Variants in PIAS1 observed in about 807,000 individuals in gnomAD.
PIAS1 encodes E3 SUMO-protein ligase PIAS1.
Under a neutral mutation model 71.3 loss-of-function variants are expected in PIAS1, and 6 were observed. The observed-to-expected ratio is 0.08, with a 90% CI of 0.05 to 0.17. The LOEUF is 0.17. Ranked by LOEUF, PIAS1 falls within the 10% of genes least tolerant of loss-of-function variation. The pLI is 1.00. For synonymous variants in PIAS1, 303 were observed against 292.9 expected, an observed-to-expected ratio of 1.03 and a Z score of -0.35; for missense variants, 555 against 793.6, an observed-to-expected ratio of 0.70 and a Z score of 3.61.
At position 68,175,216 on chromosome 15, in the gene PIAS1, A is replaced by T. The variant is rs185575072; in HGVS notation, c.1170-421A>T. ...AAATGTCTGTCACGGTATTTTATCA[A>T]AGAGATTTAACCTTTGATTACATAT... On this transcript the variant is annotated intron_variant, in intron 9 of 13. Coordinates refer to ENST00000249636, the MANE Select transcript of PIAS1 (RefSeq NM_016166.3). 2.6e-3 allele frequency among the ~76,000 whole-genome samples: 395 copies of T among 152,308 alleles called. 2 individuals are homozygous for T. Among genetic ancestry groups the T allele is most frequent in the Non-Finnish European group, 2.7e-3 (181 of 68,016 alleles).
intron 2 of PIAS1, among the ~76,000 whole-genome samples, chr15:68,116,702 T>A (rs564357171): frequency 6.6e-6 from 1 of 152,246 alleles, no homozygotes; most frequent in East Asian, 1.9e-4. Context: ...TTTTCTAATA[T>A]AGGCATTTTA....
In PIAS1 at chr15:68,097,338, CACCA is replaced by C. The variant is rs1398154696; in HGVS notation, c.469+10589_469+10592del. ...TCCTTAAGAAAAGCATCTTGTCTTTCACCATTAAGTATAATGTTAGCTGTGGATT... is the reference window on the plus strand; with the variant it reads ...TCCTTAAGAAAAGCATCTTGTCTTTCTTAAGTATAATGTTAGCTGTGGATT... On this transcript the variant is annotated intron_variant, in intron 2 of 13. Coordinates refer to ENST00000249636, the MANE Select transcript of PIAS1 (RefSeq NM_016166.3). Among the ~76,000 whole-genome samples the C allele has an allele frequency of 1.1e-4, 17 of 152,246 alleles. No homozygotes were observed. In the East Asian group the frequency reaches 3.1e-3, roughly 28 times the overall value.
chr15:68,147,962 A>G (rs1341660240), intron 6 of PIAS1, among the ~76,000 whole-genome samples: 2 of 152,130 alleles, frequency 1.3e-5, no homozygotes, highest in Non-Finnish European at 2.9e-5. Flanking sequence ...TTCATTTGAA[A>G]TTTATTGAAT....
chr15:68,088,176 G>GTGTA lies in PIAS1; in HGVS notation c.469+1427_469+1428insGTAT, dbSNP rs150997979. Among the ~76,000 whole-genome samples, 119 of 72,992 alleles carry GTGTA rather than the reference G, an allele frequency of 1.6e-3. 2 individuals carry two copies. The highest frequency in any genetic ancestry group is 5.8e-3 in the Admixed American group (39 of 6,782). The allele number at this position is 72,992 out of a possible 152,430, so 47.9% of individuals were successfully genotyped here. A position where few individuals can be genotyped will look rare whatever the true frequency, so the allele number is the denominator to read the frequency against. ...TTCTTGTCTGTCTGATTATGTGTGT[G>GTGTA]TATATATATATATATATATATATAT... is the stretch of plus-strand genomic sequence containing the variant. On this transcript the variant is annotated intron_variant, in intron 2 of 13. Coordinates refer to ENST00000249636, the MANE Select transcript of PIAS1 (RefSeq NM_016166.3).
intron 1 of PIAS1, among the ~76,000 whole-genome samples, chr15:68,067,312 G>T (rs541257256): frequency 1.6e-4 from 25 of 152,172 alleles, no homozygotes; most frequent in Admixed American, 1.5e-3. Flanking sequence ...AGATATGCTT[G>T]CCTTTCTTTA....
intron 2 of PIAS1, among the ~76,000 whole-genome samples, chr15:68,090,763 A>T (rs964107836): frequency 6.6e-6 from 1 of 152,114 alleles, no homozygotes; most frequent in African/African-American, 2.4e-5. Flanking sequence ...CTCTGAGGTT[A>T]ATTGATGTCT....
At chr15:68,141,022 T>TA (rs778011745) in intron 2 of PIAS1, among the ~76,000 whole-genome samples, 2,497 of 150,240 alleles carry the variant, frequency 0.017, 30 homozygotes, top group Middle Eastern at 0.031. Context: ...ACCACTGTTT[T>TA]AAAAAAAAAA....
At chr15:68,073,852 G>A (rs751541959) in intron 1 of PIAS1, among the ~76,000 whole-genome samples, 9 of 152,160 alleles carry the variant, frequency 5.9e-5, no homozygotes, top group Non-Finnish European at 1.0e-4. Flanking sequence ...AGAATGACTT[G>A]GAGAGGATAA....
At chr15:68,066,365 TC>T (rs1462518968) in intron 1 of PIAS1, among the ~76,000 whole-genome samples, 1 of 152,126 alleles carries the variant, frequency 6.6e-6, no homozygotes, top group Non-Finnish European at 1.5e-5. Context: ...TGCCTCAGCC[TC>T]CCAAAGTGCT....
intron 2 of PIAS1, among the ~76,000 whole-genome samples, chr15:68,128,568 C>A (rs2029423): frequency 9.9e-5 from 15 of 151,858 alleles, no homozygotes; most frequent in African/African-American, 3.4e-4. Context: ...TTTGAGAATT[C>A]TGATCTAAAA....
intron 2 of PIAS1, among the ~76,000 whole-genome samples, chr15:68,127,146 G>C: frequency 6.6e-6 from 1 of 151,168 alleles, no homozygotes; most frequent in African/African-American, 2.4e-5. Context: ...GGCTGGTCTT[G>C]AACTCTTGAC....
intron 7 of PIAS1, among the ~76,000 whole-genome samples, chr15:68,159,799 C>A (rs2092912670): frequency 6.6e-6 from 1 of 152,010 alleles, no homozygotes; most frequent in Non-Finnish European, 1.5e-5. Flanking sequence ...CATATGGATA[C>A]CTCAGTTTTG....
chr15:68,107,846 C>G (rs1481439228), intron 2 of PIAS1, among the ~76,000 whole-genome samples: 1 of 151,540 alleles, frequency 6.6e-6, no homozygotes, highest in Admixed American at 6.6e-5. Context: ...TATATACCAC[C>G]AGTAAATACG....
At chr15:68,079,221 G>A (rs927581343) in intron 1 of PIAS1, among the ~76,000 whole-genome samples, 5 of 152,082 alleles carry the variant, frequency 3.3e-5, no homozygotes, top group Admixed American at 6.5e-5. Context: ...GAATTAATAC[G>A]ATGATTACGC....
At chr15:68,179,283 G>A in intron 11 of PIAS1, among the ~76,000 whole-genome samples, 1 of 152,156 alleles carries the variant, frequency 6.6e-6, no homozygotes, top group Non-Finnish European at 1.5e-5. Flanking sequence ...AGTGCTTAAT[G>A]TTCATCCAGA....
In PIAS1 at chr15:68,154,792, C is replaced by T. The variant is rs76669113; in HGVS notation, c.934+1097C>T. Among the ~76,000 whole-genome samples the T allele has an allele frequency of 6.1e-3, 926 of 152,286 alleles. 4 individuals are homozygous for T. Among genetic ancestry groups the T allele is most frequent in the East Asian group, 0.032 (166 of 5,180 alleles). On this transcript the variant is annotated intron_variant, in intron 7 of 13. Transcript: ENST00000249636. Reference sequence around the variant, plus strand: ...AGATGATGGAGACCTAGAAGGGCAGCACTGATTTGGGATCTGCGGGAGTGG... The same window carrying T: ...AGATGATGGAGACCTAGAAGGGCAGTACTGATTTGGGATCTGCGGGAGTGG...
intron 8 of PIAS1, among the ~76,000 whole-genome samples, chr15:68,172,072 C>T (rs570628046): frequency 6.6e-6 from 1 of 151,788 alleles, no homozygotes; most frequent in African/African-American, 2.4e-5. Flanking sequence ...CAGCCCCCCA[C>T]CCCAAGACAG....
At chr15:68,126,732 A>G (rs2092653155) in intron 2 of PIAS1, among the ~76,000 whole-genome samples, 1 of 151,842 alleles carries the variant, frequency 6.6e-6, no homozygotes, top group South Asian at 2.1e-4. Flanking sequence ...GCCTTGGTTA[A>G]TTGTTTTATA....
At chr15:68,076,876 A>T (rs771216732) in intron 1 of PIAS1, among the ~76,000 whole-genome samples, 1 of 152,196 alleles carries the variant, frequency 6.6e-6, no homozygotes, top group African/African-American at 2.4e-5. Context: ...CTCAAAATCT[A>T]TGGGAGGACA....
Sources: gnomAD v4.1 joint callset for allele counts (sites outside exome capture counted in the v4.1 genomes callset) on GRCh38, gnomAD v4.1.1 for gene constraint, MANE v1.5 for transcripts, NCBI Gene and HGNC (gene_info 2026-07-23, HGNC 2026-07-21) for gene names.